Variants in EYS observed in about 807,000 individuals in gnomAD.
The protein encoded by EYS is protein eyes shut homolog.
A neutral mutation model predicts 282.1 loss-of-function variants in EYS; 250 were observed. The ratio of observed to expected loss-of-function variants is 0.89; its 90% CI spans 0.80 to 0.98. The LOEUF is 0.98. EYS is among the 50% of genes least tolerant of loss of function. EYS has a pLI of 0.00. For missense variants in EYS, 4,016 were observed against 3,709.0 expected, an observed-to-expected ratio of 1.08 and a Z score of -2.15; for synonymous variants, 1,355 against 1,282.9, an observed-to-expected ratio of 1.06 and a Z score of -1.20.
At chr6:65,362,186 G>T (rs1764736045) in intron 8 of EYS, among the ~76,000 whole-genome samples, 1 of 152,006 alleles carries the variant, frequency 6.6e-6, no homozygotes, top group African/African-American at 2.4e-5. Context: ...TATTATTCAA[G>T]ATCACTTCTT....
rs868349465 is a variant in EYS, at chr6:64,388,718, C to A, written c.6050G>T (p.Gly2017Val). The change falls in exon 29 of 43, where the codon GGA becomes GTA. Residue 2017 changes from glycine to valine, a missense_variant. By Grantham distance (109) the Gly-to-Val change is moderately radical. Coordinates refer to ENST00000503581, the MANE Select transcript of EYS (RefSeq NM_001142800.2). ...GATTTTCCCATGAAGGTCTGGAAATCCACCAATGAAGACAGATCCTGATTT... is the reference window on the plus strand; with the variant it reads ...GATTTTCCCATGAAGGTCTGGAAATACACCAATGAAGACAGATCCTGATTT... ...LPKSGSVFIG[G>V]FPDLHGKIQM... 24 of 1,537,782 alleles carry A rather than the reference C, an allele frequency of 1.6e-5. No individual in the cohort carries two copies. In the Middle Eastern group the frequency reaches 2.3e-3, roughly 150 times the overall value.
At chr6:65,283,715 C>A (rs1768284740) in intron 12 of EYS, among the ~76,000 whole-genome samples, 1 of 151,810 alleles carries the variant, frequency 6.6e-6, no homozygotes, top group Admixed American at 6.6e-5. Context: ...TTCACAGTAT[C>A]TATGCCTTTT....
At chr6:65,154,979 A>G (rs923805800) in intron 12 of EYS, among the ~76,000 whole-genome samples, 1 of 151,624 alleles carries the variant, frequency 6.6e-6, no homozygotes, top group African/African-American at 2.4e-5. Flanking sequence ...GTTAATTGAC[A>G]AATGGGTTTA....
chr6:63,904,324 A>G (rs1773723615), intron 35 of EYS, among the ~76,000 whole-genome samples: 1 of 151,894 alleles, frequency 6.6e-6, no homozygotes, highest in Non-Finnish European at 1.5e-5. Flanking sequence ...ACTTTGACTT[A>G]CCCAACCTTT....
intron 2 of EYS, among the ~76,000 whole-genome samples, chr6:65,540,959 C>T (rs6904086): frequency 0.47 from 71,493 of 151,908 alleles, 17,531 homozygotes; most frequent in Admixed American, 0.59. Flanking sequence ...AAAATCACTA[C>T]CATAAAACTG....
In EYS at chr6:64,617,501, C is replaced by A; in HGVS notation, c.3601G>T (p.Glu1201Ter). The A allele has an allele frequency of 6.4e-7, 1 of 1,550,538 alleles. No homozygotes were observed. The highest frequency in any genetic ancestry group is 8.7e-7 in the Non-Finnish European group (1 of 1,146,068). Reference sequence around the variant, plus strand: ...TGAACACATGAGTTGGGAATGCACTCAAGCTCATTCTCACAGTGGTGTCCA... The same window carrying A: ...TGAACACATGAGTTGGGAATGCACTAAAGCTCATTCTCACAGTGGTGTCCA... ...WSGHHCENEL[E>*]CIPNSCVHEL... Residue 1201 changes from glutamate to a stop codon, truncating the protein, a stop_gained, in exon 24 of 43, where the codon GAG becomes TAG. Transcript: ENST00000503581. LOFTEE classifies it high-confidence loss of function.
chr6:64,353,237 G>A (rs987447707), intron 29 of EYS, among the ~76,000 whole-genome samples: 1 of 151,450 alleles, frequency 6.6e-6, no homozygotes, highest in Non-Finnish European at 1.5e-5. Context: ...CTGAATAGTA[G>A]TCTGTAAAAC....
At chr6:65,180,036 C>T (rs75373096) in intron 12 of EYS, among the ~76,000 whole-genome samples, 6,762 of 151,738 alleles carry the variant, frequency 0.045, 204 homozygotes, top group Middle Eastern at 0.065. Flanking sequence ...CAATAAACTA[C>T]GTATTGATGG....
At chr6:65,636,740 C>G (rs1306491645) in intron 2 of EYS, among the ~76,000 whole-genome samples, 4 of 152,056 alleles carry the variant, frequency 2.6e-5, no homozygotes, top group Non-Finnish European at 4.4e-5. Context: ...ATATACACTA[C>G]TCTTAAGTAT....
intron 22 of EYS, among the ~76,000 whole-genome samples, chr6:64,691,026 A>G (rs1297496950): frequency 2.6e-5 from 4 of 152,146 alleles, no homozygotes; most frequent in Admixed American, 2.6e-4. Context: ...TGCATATATA[A>G]TATTAAAAGA....
intron 33 of EYS, among the ~76,000 whole-genome samples, chr6:64,033,235 CAGTG>C (rs1769946564): frequency 2.0e-5 from 3 of 152,158 alleles, no homozygotes; most frequent in African/African-American, 7.2e-5. Flanking sequence ...ACTTCTCATA[CAGTG>C]AGTCAAAACA....
At chr6:64,513,856 A>G (rs78882053) in intron 26 of EYS, among the ~76,000 whole-genome samples, 1,681 of 151,908 alleles carry the variant, frequency 0.011, 33 homozygotes, top group East Asian at 0.082. Context: ...AGATCTAATG[A>G]GAAAGACTAT....
chr6:63,955,225 C>A (rs2149769815), intron 35 of EYS, among the ~76,000 whole-genome samples: 1 of 152,206 alleles, frequency 6.6e-6, no homozygotes, highest in South Asian at 2.1e-4. Flanking sequence ...CAGCCTTCAT[C>A]CCTATCTTCT....
At chr6:65,696,241 A>T (rs917077430) in intron 1 of EYS, among the ~76,000 whole-genome samples, 3 of 152,018 alleles carry the variant, frequency 2.0e-5, no homozygotes, top group African/African-American at 7.2e-5. Context: ...AGATATATTT[A>T]AAAATGTCAT....
intron 2 of EYS, among the ~76,000 whole-genome samples, chr6:65,623,343 G>C (rs1468275401): frequency 6.6e-6 from 1 of 152,060 alleles, no homozygotes; most frequent in African/African-American, 2.4e-5. Flanking sequence ...AAAATCATTT[G>C]CCTTAATTTT....
Position 64,016,135 on chromosome 6 carries a change from G to A in EYS, c.6726-16952C>T, listed in dbSNP as rs530210426. On this transcript the variant is annotated intron_variant, in intron 33 of 42. Transcript: ENST00000503581. ...CAATGCAACCAATCAGGACAGACTG[G>A]AATAACATGTTTCAAAGTGACAGAG... Among the ~76,000 whole-genome samples the A allele has an allele frequency of 1.2e-4, 18 of 152,230 alleles. No individual in the cohort carries two copies. The South Asian group carries it at 3.7e-3, about 32-fold the overall frequency.
At chr6:64,153,306 AG>A (rs1774805316) in intron 31 of EYS, among the ~76,000 whole-genome samples, 1 of 152,184 alleles carries the variant, frequency 6.6e-6, no homozygotes, top group Admixed American at 6.5e-5. Flanking sequence ...CATATTTTGT[AG>A]ATCACAATGA....
intron 22 of EYS, among the ~76,000 whole-genome samples, chr6:64,675,367 C>G (rs1486631260): frequency 1.3e-5 from 2 of 151,340 alleles, no homozygotes; most frequent in Non-Finnish European, 2.9e-5. Context: ...ACTAAAGATT[C>G]TGGTCATATG....
intron 14 of EYS, among the ~76,000 whole-genome samples, chr6:64,959,787 T>G (rs183958916): frequency 8.7e-4 from 132 of 152,182 alleles, no homozygotes; most frequent in African/African-American, 3.1e-3. Context: ...ATGTCTAAGG[T>G]GTTCCTAGTG....
Sources: gnomAD v4.1 joint callset for allele counts (sites outside exome capture counted in the v4.1 genomes callset) on GRCh38, gnomAD v4.1.1 for gene constraint, MANE v1.5 for transcripts, NCBI Gene and HGNC (gene_info 2026-07-23, HGNC 2026-07-21) for gene names.